The following SOS1 variants were observed in gnomAD, a reference collection of about 807,000 sequenced individuals.
The protein encoded by SOS1 is SOS Ras/Rac guanine nucleotide exchange factor 1.
Under a neutral mutation model 157.6 loss-of-function variants are expected in SOS1, and 25 were observed. The ratio of observed to expected loss-of-function variants is 0.16; its 90% confidence interval spans 0.12 to 0.22. SOS1 has a LOEUF of 0.22. Among genes scored for constraint, SOS1 ranks in the 10% least tolerant of loss-of-function variants. The pLI is 1.00. For missense variants in SOS1, 1,237 were observed against 1,599.1 expected (o/e 0.77, Z 3.86); for synonymous variants, 528 against 534.0 (o/e 0.99, Z 0.16).
intron 1 of SOS1, among the ~76,000 whole-genome samples, chr2:39,109,865 C>T (rs1207535209): frequency 6.6e-6 from 1 of 152,064 alleles, no homozygotes; most frequent in African/African-American, 2.4e-5. Context: ...GAAAGATTAA[C>T]ATTCAAAAAG....
Position 39,093,753 on chromosome 2 carries a change from T to C in SOS1, c.88-26000A>G, listed in dbSNP as rs111640027. Among the ~76,000 whole-genome samples, 933 of 152,186 alleles carry C rather than the reference T, an allele frequency of 6.1e-3. 9 individuals are homozygous for C. The highest frequency in any genetic ancestry group is 0.021 in the African/African-American group (892 of 41,514). On this transcript the variant is annotated intron_variant, in intron 1 of 22. Coordinates refer to ENST00000402219, the MANE Select transcript of SOS1 (RefSeq NM_005633.4). ...CCAGATCACTTAACGACTTTGACTTTTGAATGTGATGGAGTGGCAATCATG... is the reference window on the plus strand; with the variant it reads ...CCAGATCACTTAACGACTTTGACTTCTGAATGTGATGGAGTGGCAATCATG...
intron 1 of SOS1, among the ~76,000 whole-genome samples, chr2:39,116,299 G>T (rs923279937): frequency 6.6e-6 from 1 of 152,132 alleles, no homozygotes; most frequent in African/African-American, 2.4e-5. Flanking sequence ...TCAGAAACAA[G>T]ACTATTCCTG....
intron 19 of SOS1, 93 bp downstream of exon 19, chr2:38,996,828 TC>T (rs1668910035): frequency 2.6e-6 from 2 of 759,220 alleles, no homozygotes; most frequent in Admixed American, 1.8e-5. Flanking sequence ...CTTTTAACTA[TC>T]ACATGTATAC....
chr2:39,116,216 T>C (rs1673645497), intron 1 of SOS1, among the ~76,000 whole-genome samples: 1 of 152,152 alleles, frequency 6.6e-6, no homozygotes, highest in African/African-American at 2.4e-5. Context: ...CCAAAAATCA[T>C]CTTATTATGC....
At position 39,010,188 on chromosome 2, in the gene SOS1, C is replaced by T. The variant is rs375286999; in HGVS notation, c.2510+396G>A. On this transcript the variant is annotated intron_variant, in intron 15 of 22. Coordinates refer to ENST00000402219, the MANE Select transcript of SOS1 (RefSeq NM_005633.4). ...AAAATTAGCTGGGTGTGGTGGTGTGCGTCTGTAGTTGCAGCTACTCAGGAG... is the reference window on the plus strand; with the variant it reads ...AAAATTAGCTGGGTGTGGTGGTGTGTGTCTGTAGTTGCAGCTACTCAGGAG... Among the ~76,000 whole-genome samples the T allele has an allele frequency of 6.6e-5, 10 of 151,850 alleles. No homozygotes were observed. The East Asian group carries it at 1.7e-3, about 26-fold the overall frequency.
chr2:39,106,830 T>C (rs558141522), intron 1 of SOS1, among the ~76,000 whole-genome samples: 1 of 152,312 alleles, frequency 6.6e-6, no homozygotes, highest in East Asian at 1.9e-4. Flanking sequence ...GTTGGACTAT[T>C]CACGAACTTA....
chr2:39,059,087 G>A (rs1671313724), intron 2 of SOS1, among the ~76,000 whole-genome samples: 1 of 151,998 alleles, frequency 6.6e-6, no homozygotes, highest in African/African-American at 2.4e-5. Flanking sequence ...ATGAGTAGAA[G>A]CTACTTTAAA....
At chr2:39,029,938 G>A (rs1383769789) in intron 8 of SOS1, among the ~76,000 whole-genome samples, 1 of 152,054 alleles carries the variant, frequency 6.6e-6, no homozygotes, top group Non-Finnish European at 1.5e-5. Context: ...AGGTCTAGGT[G>A]GGAGAAGCCC....
At chr2:39,021,093 T>C (rs544367135) in intron 10 of SOS1, among the ~76,000 whole-genome samples, 20 of 151,776 alleles carry the variant, frequency 1.3e-4, no homozygotes, top group Admixed American at 1.3e-4. Flanking sequence ...ACTCAAAATA[T>C]TACTCTATAC....
At chr2:39,105,866 C>T (rs527689882) in intron 1 of SOS1, among the ~76,000 whole-genome samples, 48 of 152,162 alleles carry the variant, frequency 3.2e-4, no homozygotes, top group Admixed American at 1.8e-3. Context: ...CACCATTGCA[C>T]TTCAGCCTGG....
At chr2:39,105,109 T>A (rs1673116477) in intron 1 of SOS1, among the ~76,000 whole-genome samples, 1 of 152,134 alleles carries the variant, frequency 6.6e-6, no homozygotes, top group Non-Finnish European at 1.5e-5. Context: ...CATCTATGAA[T>A]TAATTATCAG....
At chr2:39,013,379 G>T in intron 13 of SOS1, 81 bp downstream of exon 13, 16 of 859,772 alleles carry the variant, frequency 1.9e-5, no homozygotes, top group South Asian at 1.2e-4. Flanking sequence ...ACATTACTGA[G>T]CCCCAATGAC....
intron 1 of SOS1, among the ~76,000 whole-genome samples, chr2:39,078,919 A>G (rs297138): frequency 0.93 from 141,952 of 152,066 alleles, 66,376 homozygotes; most frequent in African/African-American, 0.97. Context: ...AATTAGCCAG[A>G]TGCGGTGGCA....
chr2:38,999,775 C>T (rs913742069), intron 17 of SOS1, among the ~76,000 whole-genome samples: 1 of 152,176 alleles, frequency 6.6e-6, no homozygotes, highest in Non-Finnish European at 1.5e-5. Flanking sequence ...AAACTGATGG[C>T]CCATCTGTGA....
chr2:39,030,016 T>A (rs1365491805), intron 8 of SOS1, among the ~76,000 whole-genome samples: 3 of 150,986 alleles, frequency 2.0e-5, no homozygotes, highest in Non-Finnish European at 3.0e-5. Flanking sequence ...ATAAAAATTT[T>A]AAAAAATTAG....
intron 10 of SOS1, among the ~76,000 whole-genome samples, chr2:39,019,647 T>C (rs992786944): frequency 2.0e-5 from 3 of 151,720 alleles, no homozygotes; most frequent in Non-Finnish European, 3.0e-5. Context: ...AACCACTTTC[T>C]AATTCACCTA....
chr2:38,995,750 C>A (rs1668872087), intron 19 of SOS1, among the ~76,000 whole-genome samples: 1 of 152,132 alleles, frequency 6.6e-6, no homozygotes, highest in South Asian at 2.1e-4. Context: ...AAGCCAGGAT[C>A]ATCACTGTGA....
At chr2:39,091,957 C>T (rs1247726478) in intron 1 of SOS1, among the ~76,000 whole-genome samples, 1 of 152,058 alleles carries the variant, frequency 6.6e-6, no homozygotes, top group African/African-American at 2.4e-5. Context: ...TTCATACTGC[C>T]ATCACCTCTT....
intron 6 of SOS1, among the ~76,000 whole-genome samples, chr2:39,038,907 T>C (rs981452164): frequency 1.3e-5 from 2 of 151,886 alleles, no homozygotes; most frequent in Admixed American, 1.3e-4. Context: ...GTGGGTAAAG[T>C]GCTATCAAAC....
Sources: allele counts gnomAD v4.1 joint callset (sites outside exome capture counted in the v4.1 genomes callset), GRCh38; gene constraint gnomAD v4.1.1; transcripts MANE v1.5; gene names NCBI Gene and HGNC (gene_info 2026-07-23, HGNC 2026-07-21).